Variants in CEP112 observed in about 807,000 individuals in gnomAD.
CEP112 encodes centrosomal protein of 112 kDa.
A neutral mutation model predicts 153.0 loss-of-function variants in CEP112; 127 were observed. The ratio of observed to expected loss-of-function variants is 0.83; its 90% CI spans 0.72 to 0.96. CEP112 has a LOEUF of 0.96. Among genes scored for constraint, CEP112 ranks in the 40% least tolerant of loss-of-function variants. CEP112 has a pLI of 0.00. For missense variants in CEP112, 1,089 were observed against 1,101.2 expected (o/e 0.99, Z 0.16); for synonymous variants, 358 against 374.4 (o/e 0.96, Z 0.51).
chr17:66,017,772 G>A (rs868673340), intron 16 of CEP112, among the ~76,000 whole-genome samples: 2 of 152,030 alleles, frequency 1.3e-5, no homozygotes, highest in Non-Finnish European at 2.9e-5. Context: ...AGGCTGAGGC[G>A]GGCAGATCAC....
At chr17:65,725,105 A>G (rs758439860) in intron 23 of CEP112, among the ~76,000 whole-genome samples, 5 of 152,226 alleles carry the variant, frequency 3.3e-5, no homozygotes, top group Non-Finnish European at 7.3e-5. Flanking sequence ...ATATGTTAAT[A>G]TATCAAGGAT....
chr17:65,738,869 T>TA, intron 23 of CEP112, among the ~76,000 whole-genome samples: 1 of 152,186 alleles, frequency 6.6e-6, no homozygotes, highest in Admixed American at 6.5e-5. Flanking sequence ...GTGGTAGATT[T>TA]AAAATGGCCT....
chr17:65,968,206 T>C (rs1321433451), intron 17 of CEP112, among the ~76,000 whole-genome samples: 1 of 151,974 alleles, frequency 6.6e-6, no homozygotes, highest in Non-Finnish European at 1.5e-5. Context: ...CAGTATGAAG[T>C]CACTCAAGCA....
chr17:66,088,583 A>G (rs2068025949), intron 8 of CEP112, among the ~76,000 whole-genome samples: 1 of 151,908 alleles, frequency 6.6e-6, no homozygotes, highest in Non-Finnish European at 1.5e-5. Context: ...GTCAGCCAAC[A>G]CAACCCCATG....
At chr17:66,121,960 T>C (rs183246343) in intron 6 of CEP112, among the ~76,000 whole-genome samples, 1 of 152,292 alleles carries the variant, frequency 6.6e-6, no homozygotes, top group East Asian at 1.9e-4. Flanking sequence ...AATGGTGCGA[T>C]CTCGGCTCTC....
intron 19 of CEP112, among the ~76,000 whole-genome samples, chr17:65,914,765 T>A (rs1271711632): frequency 6.6e-6 from 1 of 152,182 alleles, no homozygotes; most frequent in Non-Finnish European, 1.5e-5. Flanking sequence ...TATCTCATTT[T>A]AAAAAAACTT....
chr17:65,992,991 T>C (rs1441379785), intron 17 of CEP112, among the ~76,000 whole-genome samples: 2 of 152,154 alleles, frequency 1.3e-5, no homozygotes, highest in Non-Finnish European at 2.9e-5. Context: ...GTTAGTTACA[T>C]ATGTAAATGT....
At chr17:65,774,149 C>A (rs1313713684) in intron 21 of CEP112, among the ~76,000 whole-genome samples, 1 of 151,352 alleles carries the variant, frequency 6.6e-6, no homozygotes, top group Non-Finnish European at 1.5e-5. Flanking sequence ...GGATCCAGGG[C>A]GGGGAATAAG....
Position 66,130,585 on chromosome 17 carries a change from C to T in CEP112, c.565-762G>A, listed in dbSNP as rs192812019. Among the ~76,000 whole-genome samples the T allele has an allele frequency of 1.3e-3, 202 of 152,030 alleles. 1 individual carries two copies. Among genetic ancestry groups the T allele is most frequent in the African/African-American group, 4.8e-3 (198 of 41,486 alleles). ...GGTCAGGAGATCAAGACCATCCTGGCTAACAGGCTGAAACCCTGTCTCTAC... is the reference window on the plus strand; with the variant it reads ...GGTCAGGAGATCAAGACCATCCTGGTTAACAGGCTGAAACCCTGTCTCTAC... On this transcript the variant is annotated intron_variant, in intron 5 of 26. Transcript: ENST00000535342.
intron 24 of CEP112, among the ~76,000 whole-genome samples, chr17:65,652,829 T>G (rs533443960): frequency 1.3e-5 from 2 of 152,356 alleles, no homozygotes; most frequent in Non-Finnish European, 1.5e-5. Flanking sequence ...TAGTTTGGGC[T>G]GCTATAACAA....
chr17:65,669,176 G>A (rs943671740), intron 24 of CEP112, among the ~76,000 whole-genome samples: 2 of 152,126 alleles, frequency 1.3e-5, no homozygotes, highest in South Asian at 2.1e-4. Context: ...GTTTGACTTC[G>A]CCTGGTGTTA....
intron 20 of CEP112, among the ~76,000 whole-genome samples, chr17:65,893,858 C>A (rs2059565835): frequency 6.6e-6 from 1 of 151,986 alleles, no homozygotes; most frequent in Non-Finnish European, 1.5e-5. Context: ...CCAATTAGTC[C>A]TGAATGGGAG....
At chr17:65,911,929 T>C (rs1380954006) in intron 19 of CEP112, among the ~76,000 whole-genome samples, 1 of 152,186 alleles carries the variant, frequency 6.6e-6, no homozygotes, top group Non-Finnish European at 1.5e-5. Flanking sequence ...TTTTCTTCTT[T>C]GTGTGCAGGA....
chr17:65,781,656 A>G (rs9910705), intron 21 of CEP112, among the ~76,000 whole-genome samples: 1,659 of 152,310 alleles, frequency 0.011, 33 homozygotes, highest in African/African-American at 0.038. Flanking sequence ...AAAAACAGAC[A>G]CATCGATTCA....
At chr17:65,655,198 ACTGGCGCTTGTTG>A in intron 24 of CEP112, 1 of 777,266 alleles carries the variant, frequency 1.3e-6, no homozygotes. Context: ...TGGCTGTCTC[ACTGGCGCTTGTTG>A]CAACCTAAAC....
intron 20 of CEP112, among the ~76,000 whole-genome samples, chr17:65,859,627 G>A (rs964345499): frequency 1.3e-5 from 2 of 151,306 alleles, no homozygotes; most frequent in Non-Finnish European, 2.9e-5. Context: ...TTATTGTGAA[G>A]TTTTAAAATA....
Position 66,120,999 on chromosome 17 carries a change from C to T in CEP112, c.642+8747G>A, listed in dbSNP as rs1277603603. Among the ~76,000 whole-genome samples the T allele has an allele frequency of 2.6e-5, 4 of 152,268 alleles. No homozygotes were observed. In the East Asian group the frequency reaches 7.7e-4, roughly 29 times the overall value. ...GCTTTCAAGATTTTCTCTTTGTTGG[C>T]CGGGTGCAGTGGCTCATGCCTGTAA... On this transcript the variant is annotated intron_variant, in intron 6 of 26. Coordinates refer to ENST00000535342, the MANE Select transcript of CEP112 (RefSeq NM_001199165.4).
chr17:66,173,957 C>G lies in CEP112; in HGVS notation c.470+1087G>C, dbSNP rs143941197. 1.5e-4 allele frequency among the ~76,000 whole-genome samples: 23 copies of G among 152,118 alleles called. No homozygotes were observed. In the East Asian group the frequency reaches 4.3e-3, roughly 28 times the overall value. On this transcript the variant is annotated intron_variant, in intron 4 of 26. Coordinates refer to ENST00000535342, the MANE Select transcript of CEP112 (RefSeq NM_001199165.4). ...TTTCTTTTCTTTTTTTTGAGACAGA[C>G]TCGCCCTATCGCCCAGGCTGGAGTG...
intron 19 of CEP112, among the ~76,000 whole-genome samples, chr17:65,905,148 T>C (rs1399081806): frequency 6.6e-6 from 1 of 151,990 alleles, no homozygotes; most frequent in Admixed American, 6.6e-5. Context: ...AAAGAAACTA[T>C]CATCAGAGTG....
Sources: gnomAD v4.1 joint callset for allele counts (sites outside exome capture counted in the v4.1 genomes callset) on GRCh38, gnomAD v4.1.1 for gene constraint, MANE v1.5 for transcripts, NCBI Gene and HGNC (gene_info 2026-07-23, HGNC 2026-07-21) for gene names.